Variants in CHSY3 observed in about 807,000 individuals in gnomAD.
CHSY3 encodes the protein N-acetylgalactosaminyl-proteoglycan 3-beta-glucuronosyltransferase 3.
In CHSY3, 35 loss-of-function variants were observed where a neutral mutation model predicts 67.2. The ratio of observed to expected loss-of-function variants is 0.52; its 90% CI spans 0.40 to 0.69. The LOEUF is 0.69. CHSY3 is among the 30% of genes least tolerant of loss of function. The pLI is 0.00. For synonymous variants in CHSY3, 474 were observed against 434.7 expected (o/e 1.09, Z -1.12); for missense variants, 1,069 against 1,138.5 (o/e 0.94, Z 0.88).
chr5:129,935,070 T>A (rs1392975848), intron 2 of CHSY3, among the ~76,000 whole-genome samples: 1 of 152,194 alleles, frequency 6.6e-6, no homozygotes, highest in Admixed American at 6.5e-5. Context: ...AAACAAAATT[T>A]CCTTAGTTAC....
chr5:129,911,542 T>A (rs1760548615), intron 2 of CHSY3, among the ~76,000 whole-genome samples: 1 of 152,232 alleles, frequency 6.6e-6, no homozygotes, highest in African/African-American at 2.4e-5. Flanking sequence ...TCAGTAGATG[T>A]TAGTTTTTAT....
At chr5:130,035,551 A>G (rs1006016272) in intron 2 of CHSY3, among the ~76,000 whole-genome samples, 1 of 152,174 alleles carries the variant, frequency 6.6e-6, no homozygotes, top group Non-Finnish European at 1.5e-5. Context: ...TGTACATAGC[A>G]CTGATAGAGT....
chr5:130,016,908 C>T (rs952184750), intron 2 of CHSY3, among the ~76,000 whole-genome samples: 2 of 152,100 alleles, frequency 1.3e-5, no homozygotes, highest in African/African-American at 4.8e-5. Flanking sequence ...TGGGAAGGTA[C>T]TGCTAGAGAG....
chr5:129,908,434 C>A, intron 2 of CHSY3, 74 bp downstream of exon 2: 2 of 1,540,586 alleles, frequency 1.3e-6, no homozygotes, highest in Non-Finnish European at 1.8e-6. Context: ...GGCAGCGATT[C>A]TATTCATTCT....
chr5:129,982,590 G>T (rs770835250), intron 2 of CHSY3, among the ~76,000 whole-genome samples: 34 of 151,860 alleles, frequency 2.2e-4, no homozygotes, highest in South Asian at 4.2e-4. Flanking sequence ...GTAAAGAACA[G>T]GTACTATATT....
At chr5:130,099,924 G>A (rs759135906) in intron 2 of CHSY3, among the ~76,000 whole-genome samples, 19 of 152,214 alleles carry the variant, frequency 1.2e-4, no homozygotes, top group Non-Finnish European at 2.2e-4. Context: ...AGAGCCTAAT[G>A]TAATGAATGT....
At chr5:129,999,308 C>CA (rs1763651029) in intron 2 of CHSY3, among the ~76,000 whole-genome samples, 1 of 152,004 alleles carries the variant, frequency 6.6e-6, no homozygotes, top group African/African-American at 2.4e-5. Context: ...TGATTGAAAA[C>CA]AATATTATTT....
rs1441693724 is a variant in CHSY3 at position 130,113,177 on chromosome 5, G to A, written c.1087-71052G>A. 3.3e-5 allele frequency among the ~76,000 whole-genome samples: 5 copies of A among 151,970 alleles called. No homozygotes were observed. The East Asian group carries it at 9.7e-4, about 29-fold the overall frequency. On this transcript the variant is annotated intron_variant, in intron 2 of 2. Coordinates refer to ENST00000305031, the MANE Select transcript of CHSY3 (RefSeq NM_175856.5). ...CAAATAATTTCTGGAAAGAATATGA[G>A]ACAGAATATCAGCTAACATTTATAA...
At chr5:129,965,694 A>G (rs1762450976) in intron 2 of CHSY3, among the ~76,000 whole-genome samples, 1 of 151,960 alleles carries the variant, frequency 6.6e-6, no homozygotes, top group Non-Finnish European at 1.5e-5. Context: ...TATAATTGAT[A>G]AAGGGTAATT....
intron 2 of CHSY3, chr5:130,141,995 A>G (rs1438163959): frequency 5.7e-6 from 1 of 175,052 alleles, no homozygotes; most frequent in African/African-American, 2.4e-5. Context: ...AAGTTAAAAC[A>G]TTGAAGGACT....
At chr5:129,986,096 C>G (rs1331636465) in intron 2 of CHSY3, among the ~76,000 whole-genome samples, 1 of 152,108 alleles carries the variant, frequency 6.6e-6, no homozygotes, top group Non-Finnish European at 1.5e-5. Flanking sequence ...GCATCCTTGT[C>G]GTGTTCCAGA....
At chr5:129,976,928 A>G (rs1407708388) in intron 2 of CHSY3, among the ~76,000 whole-genome samples, 1 of 150,830 alleles carries the variant, frequency 6.6e-6, no homozygotes, top group Non-Finnish European at 1.5e-5. Context: ...ATATATATAT[A>G]TATATGATAT....
intron 2 of CHSY3, among the ~76,000 whole-genome samples, chr5:129,976,290 C>T (rs1439227183): frequency 6.6e-6 from 1 of 152,122 alleles, no homozygotes; most frequent in African/African-American, 2.4e-5. Flanking sequence ...AATCCTAGAA[C>T]TTGGCCTCAA....
intron 2 of CHSY3, among the ~76,000 whole-genome samples, chr5:129,924,185 A>G (rs977252065): frequency 4.6e-5 from 7 of 152,072 alleles, no homozygotes; most frequent in African/African-American, 1.4e-4. Context: ...TCTGTTCTCT[A>G]TCTTCCTAGA....
At chr5:130,007,023 C>T (rs977296172) in intron 2 of CHSY3, among the ~76,000 whole-genome samples, 9 of 152,116 alleles carry the variant, frequency 5.9e-5, no homozygotes, top group Non-Finnish European at 1.0e-4. Flanking sequence ...CTAAAAAGCA[C>T]TTAGGTGATA....
chr5:130,066,579 C>G (rs2149679470), intron 2 of CHSY3, among the ~76,000 whole-genome samples: 1 of 152,232 alleles, frequency 6.6e-6, no homozygotes, highest in East Asian at 1.9e-4. Context: ...AGCATAGCAT[C>G]CTTAAGCAAT....
chr5:130,105,130 G>C (rs1051743262), intron 2 of CHSY3, among the ~76,000 whole-genome samples: 5 of 151,630 alleles, frequency 3.3e-5, no homozygotes, highest in African/African-American at 1.2e-4. Flanking sequence ...TGGAAAGTAT[G>C]AATATGAGAT....
intron 2 of CHSY3, among the ~76,000 whole-genome samples, chr5:130,164,587 A>G (rs1197738657): frequency 6.6e-6 from 1 of 152,194 alleles, no homozygotes; most frequent in African/African-American, 2.4e-5. Flanking sequence ...GGTTGGATCC[A>G]TAAGACTCCA....
In CHSY3 at chr5:130,069,310, A is replaced by G. The variant is rs1485827542; in HGVS notation, c.1087-114919A>G. ...TCTATGACCAATAAAATGAGCAGAA[A>G]TGAAACATACATTCCAATCTTATGA... On this transcript the variant is annotated intron_variant, in intron 2 of 2. Coordinates refer to ENST00000305031, the MANE Select transcript of CHSY3 (RefSeq NM_175856.5). Among the ~76,000 whole-genome samples, 3 of 152,056 alleles carry G rather than the reference A, an allele frequency of 2.0e-5. No homozygotes were observed. The East Asian group carries it at 5.8e-4, about 29-fold the overall frequency.
Sources: allele counts gnomAD v4.1 joint callset (sites outside exome capture counted in the v4.1 genomes callset), GRCh38; gene constraint gnomAD v4.1.1; transcripts MANE v1.5; gene names NCBI Gene and HGNC (gene_info 2026-07-23, HGNC 2026-07-21).